The following SIPA1L1 variants were observed in gnomAD, a reference collection of about 807,000 sequenced individuals.
SIPA1L1 encodes the protein signal induced proliferation associated 1 like 1, also known as signal-induced proliferation-associated 1-like protein 1.
Under a neutral mutation model 162.7 loss-of-function variants are expected in SIPA1L1, and 26 were observed. The ratio of observed to expected loss-of-function variants is 0.16; its 90% confidence interval spans 0.12 to 0.22. The LOEUF (loss-of-function observed/expected upper bound fraction) is 0.22. Ranked by LOEUF, SIPA1L1 falls within the 10% of genes least tolerant of loss-of-function variation. The pLI is 1.00. For synonymous variants in SIPA1L1, 829 were observed against 837.4 expected, an observed-to-expected ratio of 0.99 and a Z score of 0.17; for missense variants, 1,874 against 2,241.0, an observed-to-expected ratio of 0.84 and a Z score of 3.31.
intron 6 of SIPA1L1, among the ~76,000 whole-genome samples, chr14:71,620,129 G>T (rs891742357): frequency 6.6e-6 from 1 of 152,190 alleles, no homozygotes; most frequent in African/African-American, 2.4e-5. Context: ...GAGTGCAATG[G>T]CGCGATCTTG....
intron 2 of SIPA1L1, among the ~76,000 whole-genome samples, chr14:71,439,121 G>A (rs971408389): frequency 6.6e-6 from 1 of 152,148 alleles, no homozygotes; most frequent in Non-Finnish European, 1.5e-5. Flanking sequence ...AGACCTCATG[G>A]AGAGGAGGGC....
chr14:71,633,145 ATGTTATGTTATGTTCTGTTC>A (rs1307349272), intron 7 of SIPA1L1, among the ~76,000 whole-genome samples: 109 of 144,442 alleles, frequency 7.5e-4, no homozygotes, highest in East Asian at 3.9e-3. Context: ...ATGTTATGTT[ATGTTATGTTATGTTCTGTTC>A]TGTTCTGTTC....
chr14:71,676,367 C>T (rs951691930), intron 12 of SIPA1L1, among the ~76,000 whole-genome samples: 1 of 151,648 alleles, frequency 6.6e-6, no homozygotes, highest in Non-Finnish European at 1.5e-5. Flanking sequence ...ATATGCAGAC[C>T]CCTTATGAAT....
chr14:71,583,583 C>G (rs2147383624), intron 4 of SIPA1L1, among the ~76,000 whole-genome samples: 1 of 151,916 alleles, frequency 6.6e-6, no homozygotes, highest in East Asian at 1.9e-4. Context: ...CTTCTTGTAA[C>G]CTTTAAACTG....
At chr14:71,489,637 G>A (rs181515258) in intron 2 of SIPA1L1, among the ~76,000 whole-genome samples, 2 of 151,476 alleles carry the variant, frequency 1.3e-5, no homozygotes, top group African/African-American at 4.8e-5. Context: ...GGCCATACTG[G>A]AAGAATAAGA....
At chr14:71,627,149 T>C (rs2040094305) in intron 7 of SIPA1L1, among the ~76,000 whole-genome samples, 2 of 46,856 alleles carry the variant, frequency 4.3e-5, no homozygotes, top group Non-Finnish European at 8.7e-5. Context: ...TTTTTTTTTT[T>C]TTTTTTTTTT....
intron 2 of SIPA1L1, among the ~76,000 whole-genome samples, chr14:71,478,686 CT>C (rs1401308281): frequency 6.6e-6 from 1 of 152,126 alleles, no homozygotes; most frequent in Non-Finnish European, 1.5e-5. Flanking sequence ...TTCTCCATGA[CT>C]TCCTCCTTCC....
chr14:71,561,467 T>C (rs1596128748), intron 4 of SIPA1L1, among the ~76,000 whole-genome samples: 1 of 152,216 alleles, frequency 6.6e-6, no homozygotes, highest in Non-Finnish European at 1.5e-5. Flanking sequence ...CAGCAAGATA[T>C]AAAAATAAAA....
At chr14:71,512,573 G>A (rs1326854692) in intron 2 of SIPA1L1, among the ~76,000 whole-genome samples, 170 bp from the exon 3 acceptor site, 218 of 139,106 alleles carry the variant, frequency 1.6e-3, no homozygotes, top group African/African-American at 5.4e-3. Flanking sequence ...GCGACAGAGC[G>A]AGACTCTGTC....
At chr14:71,704,783 G>A (rs2082325919) in intron 15 of SIPA1L1, 2 of 1,604,278 alleles carry the variant, frequency 1.2e-6, no homozygotes, top group Non-Finnish European at 8.5e-7. Context: ...TGAATATACA[G>A]GTAAAATATT....
At chr14:71,401,194 C>T (rs2140026783) in intron 2 of SIPA1L1, among the ~76,000 whole-genome samples, 1 of 152,302 alleles carries the variant, frequency 6.6e-6, no homozygotes, top group South Asian at 2.1e-4. Context: ...TTAATCTGCT[C>T]AAATGCCCGA....
intron 2 of SIPA1L1, among the ~76,000 whole-genome samples, chr14:71,383,861 T>G (rs2040106400): frequency 6.6e-6 from 1 of 152,140 alleles, no homozygotes; most frequent in Non-Finnish European, 1.5e-5. Flanking sequence ...GGAACACATT[T>G]CAACAGGAGA....
At chr14:71,427,667 T>C (rs143389711) in intron 2 of SIPA1L1, among the ~76,000 whole-genome samples, 3 of 152,304 alleles carry the variant, frequency 2.0e-5, no homozygotes, top group Non-Finnish European at 4.4e-5. Context: ...GGTTCACTGA[T>C]TCTTTCTTCT....
At chr14:71,417,884 T>A (rs1026726449) in intron 2 of SIPA1L1, among the ~76,000 whole-genome samples, 1 of 152,210 alleles carries the variant, frequency 6.6e-6, no homozygotes, top group African/African-American at 2.4e-5. Context: ...TGTGACTAGT[T>A]TGAATTGAGT....
chr14:71,627,251 C>T (rs777501378), intron 7 of SIPA1L1, among the ~76,000 whole-genome samples: 1 of 143,684 alleles, frequency 7.0e-6, no homozygotes, highest in Non-Finnish European at 1.5e-5. Context: ...CTCTGCCTCC[C>T]GGGCTCAAGC....
chr14:71,616,590 G>A (rs2038865689), intron 5 of SIPA1L1, among the ~76,000 whole-genome samples: 1 of 151,888 alleles, frequency 6.6e-6, no homozygotes, highest in Non-Finnish European at 1.5e-5. Flanking sequence ...AATGGGTGGG[G>A]GTGGGGCTTT....
At chr14:71,434,185 T>C (rs2044207755) in intron 2 of SIPA1L1, among the ~76,000 whole-genome samples, 1 of 152,224 alleles carries the variant, frequency 6.6e-6, no homozygotes, top group African/African-American at 2.4e-5. Context: ...TGTCAGATTC[T>C]TTGAGTACAG....
intron 2 of SIPA1L1, among the ~76,000 whole-genome samples, chr14:71,374,451 A>G (rs1450767205): frequency 6.6e-6 from 1 of 151,768 alleles, no homozygotes; most frequent in East Asian, 1.9e-4. Flanking sequence ...ATTTTTATTT[A>G]TAGTATTTAT....
intron 2 of SIPA1L1, among the ~76,000 whole-genome samples, chr14:71,364,725 C>G (rs967849352): frequency 6.6e-5 from 10 of 151,402 alleles, no homozygotes; most frequent in African/African-American, 1.9e-4. Flanking sequence ...AGCACATCAT[C>G]TGCATATTCC....
Sources: allele counts gnomAD v4.1 joint callset (sites outside exome capture counted in the v4.1 genomes callset), GRCh38; gene constraint gnomAD v4.1.1; transcripts MANE v1.5; gene names NCBI Gene and HGNC (gene_info 2026-07-23, HGNC 2026-07-21).